CNTN5: variants seen among roughly 807,000 people sequenced by gnomAD.
CNTN5 encodes the protein contactin 5.
CNTN5 carries 77 observed loss-of-function variants against 129.1 expected under a neutral mutation model. The observed-to-expected ratio is 0.60, with a 90% CI of 0.50 to 0.72. The LOEUF is 0.72. Ranked by LOEUF, CNTN5 falls within the 30% of genes least tolerant of loss-of-function variation. CNTN5 has a pLI of 0.00. For missense variants in CNTN5, 1,478 were observed against 1,328.8 expected (o/e 1.11, Z -1.75); for synonymous variants, 509 against 465.6 (o/e 1.09, Z -1.20).
intron 2 of CNTN5, among the ~76,000 whole-genome samples, chr11:99,477,468 A>C (rs11604781): frequency 3.3e-5 from 5 of 151,948 alleles, no homozygotes; most frequent in African/African-American, 7.2e-5. Flanking sequence ...TCTGGCTTTC[A>C]CCATATTTTT....
chr11:99,122,978 C>T (rs1487240803), intron 1 of CNTN5, among the ~76,000 whole-genome samples: 1 of 152,112 alleles, frequency 6.6e-6, no homozygotes, highest in African/African-American at 2.4e-5. Context: ...TTTGTCTTTG[C>T]TGTCTTGAAT....
At chr11:100,098,008 C>G (rs1945070941) in intron 13 of CNTN5, among the ~76,000 whole-genome samples, 1 of 151,774 alleles carries the variant, frequency 6.6e-6, no homozygotes, top group African/African-American at 2.4e-5. Flanking sequence ...GTTTCGTTGT[C>G]AGAATTACCA....
intron 4 of CNTN5, among the ~76,000 whole-genome samples, chr11:99,843,249 A>G (rs1416879150): frequency 6.6e-6 from 1 of 152,168 alleles, no homozygotes; most frequent in East Asian, 1.9e-4. Flanking sequence ...ACTTGCATCT[A>G]GGTTATCTAG....
intron 3 of CNTN5, among the ~76,000 whole-genome samples, chr11:99,785,531 C>G (rs1945488548): frequency 6.6e-6 from 1 of 151,950 alleles, no homozygotes; most frequent in Admixed American, 6.6e-5. Context: ...CAAAACCTAG[C>G]AGAGACCCAA....
At chr11:99,597,073 C>T (rs1016935655) in intron 3 of CNTN5, among the ~76,000 whole-genome samples, 6 of 152,122 alleles carry the variant, frequency 3.9e-5, no homozygotes, top group Admixed American at 6.5e-5. Flanking sequence ...CAGATCTCAA[C>T]TTCTTGATGC....
intron 8 of CNTN5, among the ~76,000 whole-genome samples, chr11:99,974,412 T>G (rs1189651145): frequency 6.6e-6 from 1 of 152,220 alleles, no homozygotes; most frequent in African/African-American, 2.4e-5. Flanking sequence ...CCTGCCTCCC[T>G]TAGGATATCA....
chr11:99,731,116 C>CTT lies in CNTN5; in HGVS notation c.56-88419_56-88418dup, dbSNP rs200763930. On this transcript the variant is annotated intron_variant, in intron 3 of 24. Transcript: ENST00000524871. ...ACCTGGAAATCAGCATTTTTTTTTT[C>CTT]TTTTTTTTTTGAGACGGAGTCTTGC... is the stretch of plus-strand genomic sequence containing the variant. Among the ~76,000 whole-genome samples, 161 of 146,936 alleles carry CTT rather than the reference C, an allele frequency of 1.1e-3. 1 individual carries two copies. The highest frequency in any genetic ancestry group is 3.6e-3 in the African/African-American group (143 of 40,148).
intron 1 of CNTN5, among the ~76,000 whole-genome samples, chr11:99,107,824 G>A (rs12790957): frequency 0.25 from 37,103 of 151,340 alleles, 4,904 homozygotes; most frequent in Non-Finnish European, 0.3. Flanking sequence ...CCAGCTACTC[G>A]GGAGGCTGAG....
chr11:99,268,357 TA>T (rs1565450658), intron 1 of CNTN5, among the ~76,000 whole-genome samples: 2 of 151,872 alleles, frequency 1.3e-5, no homozygotes. Context: ...TTCCAAAGGT[TA>T]AATTCAGTTT....
chr11:100,103,174 A>T (rs1390365339), intron 13 of CNTN5, among the ~76,000 whole-genome samples: 2 of 152,304 alleles, frequency 1.3e-5, no homozygotes, highest in South Asian at 4.1e-4. Context: ...AATGTTAGTA[A>T]ATGTTAAAAA....
At chr11:100,014,864 A>G (rs1040692171) in intron 9 of CNTN5, among the ~76,000 whole-genome samples, 11 of 152,072 alleles carry the variant, frequency 7.2e-5, no homozygotes, top group Non-Finnish European at 1.5e-4. Flanking sequence ...AGCATGTGGG[A>G]TCAGGCTGGG....
chr11:100,149,237 C>CA, intron 13 of CNTN5, among the ~76,000 whole-genome samples: 1 of 146,424 alleles, frequency 6.8e-6, no homozygotes, highest in Middle Eastern at 3.5e-3. Flanking sequence ...TATGAAAGTA[C>CA]AAAAAGTGAA....
At chr11:99,167,756 G>C (rs979981000) in intron 1 of CNTN5, among the ~76,000 whole-genome samples, 4 of 151,976 alleles carry the variant, frequency 2.6e-5, no homozygotes, top group African/African-American at 9.7e-5. Flanking sequence ...AATATATCAA[G>C]ATCTAATATG....
At chr11:99,115,260 A>G (rs969639837) in intron 1 of CNTN5, among the ~76,000 whole-genome samples, 5 of 152,216 alleles carry the variant, frequency 3.3e-5, no homozygotes, top group Admixed American at 1.3e-4. Context: ...TTTTTGACAA[A>G]ATACTTTAAT....
chr11:100,232,224 A>G (rs534875283), intron 16 of CNTN5, among the ~76,000 whole-genome samples: 1 of 152,296 alleles, frequency 6.6e-6, no homozygotes, highest in South Asian at 2.1e-4. Context: ...GAATGCTGAG[A>G]AACATTAACT....
At chr11:99,030,780 CTTTTTT>C (rs71305325) in intron 1 of CNTN5, among the ~76,000 whole-genome samples, 2 of 120,246 alleles carry the variant, frequency 1.7e-5, no homozygotes, top group East Asian at 2.5e-4. Context: ...TGCTAACTCT[CTTTTTT>C]TTTTTTTTTT....
intron 1 of CNTN5, among the ~76,000 whole-genome samples, chr11:99,239,161 T>TAC (rs140644122): frequency 0.057 from 8,638 of 152,176 alleles, 845 homozygotes; most frequent in African/African-American, 0.2. Context: ...TTAAATAAAA[T>TAC]ATTTTCCAAT....
intron 13 of CNTN5, among the ~76,000 whole-genome samples, chr11:100,115,725 G>A (rs1353951360): frequency 6.6e-6 from 1 of 152,028 alleles, no homozygotes; most frequent in Non-Finnish European, 1.5e-5. Flanking sequence ...ATCATAAAAT[G>A]TTAGTGGAAT....
intron 1 of CNTN5, among the ~76,000 whole-genome samples, chr11:99,067,732 A>T (rs532967215): frequency 6.6e-6 from 1 of 152,260 alleles, no homozygotes; most frequent in Non-Finnish European, 1.5e-5. Flanking sequence ...ATATTAGATA[A>T]TTTATAATGT....
Sources: allele counts gnomAD v4.1 joint callset (sites outside exome capture counted in the v4.1 genomes callset), GRCh38; gene constraint gnomAD v4.1.1; transcripts MANE v1.5; gene names NCBI Gene and HGNC (gene_info 2026-07-23, HGNC 2026-07-21).